CHEK1: variants seen among roughly 807,000 people sequenced by gnomAD.
CHEK1 encodes the protein checkpoint kinase 1, also known as serine/threonine-protein kinase Chk1.
Under a neutral mutation model 60.2 loss-of-function variants are expected in CHEK1, and 32 were observed. That is an observed-to-expected ratio of 0.53 (90% confidence interval 0.40 to 0.71). CHEK1 has a LOEUF of 0.71. Among genes scored for constraint, CHEK1 ranks in the 30% least tolerant of loss-of-function variants. CHEK1 has a pLI of 0.00. For missense variants in CHEK1, 399 were observed against 564.6 expected, an observed-to-expected ratio of 0.71 and a Z score of 2.97; for synonymous variants, 179 against 187.2, an observed-to-expected ratio of 0.96 and a Z score of 0.36.
At position 125,643,915 on chromosome 11, in the gene CHEK1, G is replaced by A; in HGVS notation, c.923+15G>A. 1 of 1,600,928 alleles carries A rather than the reference G, an allele frequency of 6.2e-7. No homozygotes were observed. The highest frequency in any genetic ancestry group is 8.5e-7 in the Non-Finnish European group (1 of 1,171,212). ...AGTGCTTCTAGGTAAGACTGATAAA[G>A]ATTGAGTAGTTTTTGATTGTAGTAT... On this transcript the variant is annotated intron_variant, in intron 9 of 12. Coordinates refer to ENST00000438015, the MANE Select transcript of CHEK1 (RefSeq NM_001114122.3).
Position 125,643,943 on chromosome 11 carries a change from C to A in CHEK1, c.923+43C>A, listed in dbSNP as rs374586456. On this transcript the variant is annotated intron_variant, in intron 9 of 12. Transcript: ENST00000438015. Reference sequence around the variant, plus strand: ...TGAGTAGTTTTTGATTGTAGTATTCCCCATGAAGAATAATACATGTATGTG... The same window carrying A: ...TGAGTAGTTTTTGATTGTAGTATTCACCATGAAGAATAATACATGTATGTG... 8 of 1,548,602 alleles carry A rather than the reference C, an allele frequency of 5.2e-6. No homozygotes were observed. The Admixed American group carries it at 1.2e-4, about 23-fold the overall frequency.
chr11:125,635,448 C>T lies in CHEK1; in HGVS notation c.633C>T (p.Pro211=). 6.3e-7 allele frequency: 1 copy of T among 1,596,192 alleles called. No individual in the cohort carries two copies. Among genetic ancestry groups the T allele is most frequent in the Non-Finnish European group, 8.5e-7 (1 of 1,173,540 alleles). ...TTTTAGAATTGCCATGGGACCAACC[C>T]AGTGACAGCTGTCAGGAGTATTCTG... ...MLAGELPWDQ[P]SDSCQEYSDW... Residue 211 remains proline (P), a synonymous_variant, in exon 7 of 13, where the codon CCC becomes CCT. Transcript: ENST00000438015.
chr11:125,678,419 C>T, downstream of CHEK1: 2 of 1,138,132 alleles, frequency 1.8e-6, no homozygotes, highest in Non-Finnish European at 2.5e-6. Flanking sequence ...CTAGATTGGG[C>T]ACCTGAAGAC....
At chr11:125,641,046 A>G (rs191661016) in intron 8 of CHEK1, among the ~76,000 whole-genome samples, 69 of 152,208 alleles carry the variant, frequency 4.5e-4, no homozygotes, top group African/African-American at 1.7e-3. Flanking sequence ...TCCATGTGCT[A>G]CCTGCTTGTA....
chr11:125,680,754 A>G, downstream of CHEK1: 1 of 1,613,890 alleles, frequency 6.2e-7, no homozygotes. Context: ...GCAGATAAAG[A>G]CTCATTAGCA....
rs2136027982 is a variant in CHEK1, at chr11:125,644,144, C to T, written c.977C>T (p.Ser326Phe). 6.2e-7 allele frequency: 1 copy of T among 1,614,136 alleles called. No homozygotes were observed. Among genetic ancestry groups the T allele is most frequent in the South Asian group, 1.1e-5 (1 of 91,078 alleles). The change falls in exon 10 of 13, where the codon TCC (serine) becomes TTC (phenylalanine). Residue 326 changes from serine (S) to phenylalanine (F), a missense_variant. Ser to Phe is a radical substitution (Grantham distance 155). This residue lies in a region of CHEK1 where 370 missense variants were observed against 494.8 expected (regional missense o/e 0.75). Coordinates refer to ENST00000438015, the MANE Select transcript of CHEK1 (RefSeq NM_001114122.3). ...SSQPEPRTGLSLWDTSPSYID... is the reference protein window; with the variant it reads ...SSQPEPRTGLFLWDTSPSYID... ...CAGCCAGAACCCCGCACAGGTCTTT[C>T]CTTATGGGATACCAGCCCCTCATAC...
intron 11 of CHEK1, among the ~76,000 whole-genome samples, chr11:125,648,320 C>T (rs979055613): frequency 2.6e-5 from 4 of 152,032 alleles, no homozygotes; most frequent in African/African-American, 4.8e-5. Context: ...TGGTGGCTCA[C>T]GCCTGTAATC....
Position 125,653,664 on chromosome 11 carries a change from C to T in CHEK1, c.1234-82C>T. ...GTTTTATTTGTAGTTTTTTGAGAAA[C>T]TTCTATTCTGTTCTTCATAGTGGGT... is the stretch of plus-strand genomic sequence containing the variant. On this transcript the variant is annotated intron_variant, in intron 11 of 12. Transcript: ENST00000438015. This position sits in a 1 kb window ranked among gnomAD's most constrained non-coding sequence, Gnocchi z 4.3. The T allele has an allele frequency of 1.4e-6, 1 of 719,510 alleles. No individual in the cohort carries two copies. The highest frequency in any genetic ancestry group is 1.9e-5 in the African/African-American group (1 of 53,748). 44.6% of individuals were successfully genotyped at this position (719,510 alleles called of 1,614,324 possible). A position where few individuals can be genotyped will look rare whatever the true frequency, so the allele number is the denominator to read the frequency against.
downstream of CHEK1, among the ~76,000 whole-genome samples, chr11:125,659,873 T>C (rs1941980477): frequency 6.6e-6 from 1 of 152,190 alleles, no homozygotes; most frequent in Non-Finnish European, 1.5e-5. Context: ...TCCCCACTTT[T>C]TCTTCCTCCA....
At position 125,625,565 on chromosome 11, in the gene CHEK1, A is replaced by T. The variant is rs1476386506; in HGVS notation, c.-468A>T. On this transcript the variant is annotated 5_prime_UTR_variant, in exon 1 of 13. Transcript: ENST00000438015. ...ACAGTCCTGTCCGGTGGCCTCACGC[A>T]GGTGGCGGTGCAGCCTTTCAGGCCC... 1 of 588,364 alleles carries T rather than the reference A, an allele frequency of 1.7e-6. No homozygotes were observed. The highest frequency in any genetic ancestry group is 2.8e-5 in the East Asian group (1 of 35,954). The allele number at this position is 588,364 out of a possible 1,614,324, so 36.4% of individuals were successfully genotyped here.
chr11:125,650,172 C>G (rs1229929836), intron 11 of CHEK1, among the ~76,000 whole-genome samples: 1 of 151,800 alleles, frequency 6.6e-6, no homozygotes, highest in Non-Finnish European at 1.5e-5. Context: ...ACTCTCCTCT[C>G]CCTCTTGGAC....
At chr11:125,665,099 T>C (rs1942075510) in intron 13 of CHEK1, among the ~76,000 whole-genome samples, 1 of 152,174 alleles carries the variant, frequency 6.6e-6, no homozygotes, top group Non-Finnish European at 1.5e-5. Flanking sequence ...AATGTAGATT[T>C]ATTTCTGGGT....
intron 8 of CHEK1, among the ~76,000 whole-genome samples, chr11:125,639,888 T>G (rs556311989): frequency 6.6e-6 from 1 of 152,334 alleles, no homozygotes; most frequent in African/African-American, 2.4e-5. Context: ...ACCCACTCAA[T>G]GACTTTGTCT....
chr11:125,668,329 G>A (rs994473176), intron 13 of CHEK1, among the ~76,000 whole-genome samples: 1 of 152,040 alleles, frequency 6.6e-6, no homozygotes, highest in Admixed American at 6.5e-5. Context: ...CAGCTATTTT[G>A]TATAATTTCC....
At chr11:125,636,606 A>C (rs980487606) in intron 7 of CHEK1, among the ~76,000 whole-genome samples, 10 of 152,006 alleles carry the variant, frequency 6.6e-5, no homozygotes, top group African/African-American at 2.4e-4. Context: ...ATAGTTTTTC[A>C]TTTTTATTTT....
At chr11:125,680,582 C>G (rs1942750397), downstream of CHEK1, 10 of 679,180 alleles carry the variant, frequency 1.5e-5, no homozygotes, top group South Asian at 1.9e-4. Flanking sequence ...GGTTCAGGAG[C>G]TCTCCGAGTT....
intron 5 of CHEK1, among the ~76,000 whole-genome samples, chr11:125,632,435 G>T (rs963049919): frequency 6.6e-6 from 1 of 152,070 alleles, no homozygotes; most frequent in African/African-American, 2.4e-5. Flanking sequence ...AGATCCTATA[G>T]TGCTCTATAT....
chr11:125,665,869 C>CTTTTTT (rs66560397), intron 13 of CHEK1, among the ~76,000 whole-genome samples: 23 of 30,528 alleles, frequency 7.5e-4, no homozygotes, highest in East Asian at 1.5e-3. Context: ...CTTCATTCCC[C>CTTTTTT]TTTTTTTTTT....
rs1941032241 is a variant in CHEK1 at position 125,635,412 on chromosome 11, A to T, written c.614-17A>T. ...AATAAGAACATTTAAAAAAACTGGGACTTGCTTTGTTTTTAGAATTGCCAT... is the reference window on the plus strand; with the variant it reads ...AATAAGAACATTTAAAAAAACTGGGTCTTGCTTTGTTTTTAGAATTGCCAT... On this transcript the variant is annotated splice_polypyrimidine_tract_variant and intron_variant, in intron 6 of 12. Coordinates refer to ENST00000438015, the MANE Select transcript of CHEK1 (RefSeq NM_001114122.3). The T allele has an allele frequency of 7.0e-7, 1 of 1,434,260 alleles. No individual in the cohort carries two copies. Among genetic ancestry groups the T allele is most frequent in the African/African-American group, 1.5e-5 (1 of 68,626 alleles). 88.8% of individuals were successfully genotyped at this position (1,434,260 alleles called of 1,614,324 possible). A position where few individuals can be genotyped will look rare whatever the true frequency, so the allele number is the denominator to read the frequency against.
Sources: gnomAD v4.1 joint callset for allele counts (sites outside exome capture counted in the v4.1 genomes callset) on GRCh38, gnomAD v4.1.1 for gene constraint, gnomAD v4.1.1 regional missense constraint, Gnocchi (gnomAD v3.1) non-coding constraint, MANE v1.5 for transcripts, NCBI Gene and HGNC (gene_info 2026-07-23, HGNC 2026-07-21) for gene names.